The following PTPN12 variants were observed in gnomAD, a reference collection of about 807,000 sequenced individuals.
PTPN12 encodes protein tyrosine phosphatase non-receptor type 12, also known as tyrosine-protein phosphatase non-receptor type 12.
PTPN12 carries 29 observed loss-of-function variants against 97.6 expected under a neutral mutation model. The observed-to-expected ratio is 0.30, with a 90% CI of 0.22 to 0.41. The LOEUF is 0.41. PTPN12 is among the 10% of genes least tolerant of loss of function. The pLI is 1.00. For synonymous variants in PTPN12, 327 were observed against 300.4 expected (o/e 1.09, Z -0.91); for missense variants, 819 against 926.0 (o/e 0.88, Z 1.50).
intron 3 of PTPN12, among the ~76,000 whole-genome samples, chr7:77,582,228 C>A (rs1787545452): frequency 6.6e-6 from 1 of 150,534 alleles, no homozygotes; most frequent in South Asian, 2.1e-4. Context: ...GATCTCCTGA[C>A]CTGTGATCCA....
chr7:77,598,907 G>A (rs894517771), intron 7 of PTPN12, among the ~76,000 whole-genome samples: 3 of 150,798 alleles, frequency 2.0e-5, no homozygotes, highest in African/African-American at 7.3e-5. Flanking sequence ...TAAAGCATGT[G>A]AAGTTAGTTT....
At chr7:77,558,526 CAG>C (rs1243854831) in intron 1 of PTPN12, among the ~76,000 whole-genome samples, 1 of 152,150 alleles carries the variant, frequency 6.6e-6, no homozygotes, top group Non-Finnish European at 1.5e-5. Context: ...TAAAAGGAAA[CAG>C]ATGTGGAGGG....
intron 1 of PTPN12, among the ~76,000 whole-genome samples, chr7:77,558,582 A>G (rs1807837078): frequency 6.6e-6 from 1 of 152,230 alleles, no homozygotes; most frequent in African/African-American, 2.4e-5. Flanking sequence ...TGCAGAAAAG[A>G]GTAACATAGC....
At chr7:77,564,751 T>TTTG (rs1808173082) in intron 1 of PTPN12, among the ~76,000 whole-genome samples, 1 of 76,298 alleles carries the variant, frequency 1.3e-5, no homozygotes, top group African/African-American at 5.9e-5. Context: ...GTCGTGTTTT[T>TTTG]TTTTTTTTTT....
chr7:77,537,509 G>A lies in PTPN12; in HGVS notation c.-38G>A. On this transcript the variant is annotated 5_prime_UTR_variant, in exon 1 of 18. Transcript: ENST00000248594. The stretch of plus-strand genomic sequence containing the variant: ...GCTCTGTGCCGGGCGGGCGGGCGGC[G>A]GGGGGGCCAGCGACCGCAGCCGGGG... The A allele has an allele frequency of 1.3e-6, 2 of 1,546,658 alleles. No individual in the cohort carries two copies. Among genetic ancestry groups the A allele is most frequent in the Non-Finnish European group, 1.7e-6 (2 of 1,147,542 alleles).
At chr7:77,589,733 TC>T (rs1787806020) in intron 5 of PTPN12, among the ~76,000 whole-genome samples, 1 of 152,134 alleles carries the variant, frequency 6.6e-6, no homozygotes, top group African/African-American at 2.4e-5. Flanking sequence ...AATCAAGTTA[TC>T]TATTTAAGGG....
chr7:77,548,486 A>G (rs1004580847), intron 1 of PTPN12, among the ~76,000 whole-genome samples: 8 of 152,238 alleles, frequency 5.3e-5, no homozygotes, highest in African/African-American at 1.9e-4. Flanking sequence ...GTTAGAAGGA[A>G]CATAAAAACT....
chr7:77,622,029 T>A (rs1383561579), intron 12 of PTPN12, among the ~76,000 whole-genome samples: 1 of 152,156 alleles, frequency 6.6e-6, no homozygotes, highest in Non-Finnish European at 1.5e-5. Flanking sequence ...GTGGTGTGAT[T>A]ATGGCTCACT....
At chr7:77,629,943 A>AC (rs1789340107) in intron 13 of PTPN12, among the ~76,000 whole-genome samples, 1 of 151,142 alleles carries the variant, frequency 6.6e-6, no homozygotes, top group Non-Finnish European at 1.5e-5. Flanking sequence ...CTGTCTCAAA[A>AC]AAAAAAAAAA....
intron 5 of PTPN12, among the ~76,000 whole-genome samples, chr7:77,587,715 G>A (rs555386895): frequency 2.0e-5 from 3 of 152,290 alleles, no homozygotes; most frequent in African/African-American, 7.2e-5. Context: ...ATCCTAGATG[G>A]CATCTTCTTC....
At chr7:77,637,945 A>ATTTTTT (rs754842372) in intron 16 of PTPN12, among the ~76,000 whole-genome samples, 24 of 66,806 alleles carry the variant, frequency 3.6e-4, no homozygotes, top group Admixed American at 2.6e-3. Flanking sequence ...ATTTCTTAAA[A>ATTTTTT]TTTTTTTTTT....
chr7:77,606,011 A>G (rs903727089), intron 8 of PTPN12, among the ~76,000 whole-genome samples: 8 of 123,680 alleles, frequency 6.5e-5, no homozygotes, highest in African/African-American at 2.3e-4. Flanking sequence ...CTGGAGTGCA[A>G]TGGCACGATC....
intron 8 of PTPN12, chr7:77,606,911 G>C (rs545315369): frequency 1.6e-5 from 3 of 183,246 alleles, no homozygotes; most frequent in African/African-American, 7.2e-5. Context: ...ACAGTAGTGA[G>C]GTAGTGACTA....
intron 11 of PTPN12, among the ~76,000 whole-genome samples, chr7:77,614,991 A>T (rs1392755060): frequency 6.6e-6 from 1 of 152,222 alleles, no homozygotes; most frequent in Non-Finnish European, 1.5e-5. Context: ...TTATAACTAC[A>T]GTGACTTCCT....
chr7:77,623,012 CAA>C (rs34769333), intron 12 of PTPN12, among the ~76,000 whole-genome samples: 2 of 118,132 alleles, frequency 1.7e-5, no homozygotes, highest in African/African-American at 3.0e-5. Context: ...AAGAAATTAG[CAA>C]AAAAAAAAAA....
intron 1 of PTPN12, among the ~76,000 whole-genome samples, chr7:77,551,452 G>T (rs1807476244): frequency 6.6e-6 from 1 of 152,198 alleles, no homozygotes; most frequent in Non-Finnish European, 1.5e-5. Context: ...TTTTCAGTCA[G>T]AATTGTGTAA....
intron 12 of PTPN12, among the ~76,000 whole-genome samples, chr7:77,626,336 T>A (rs1789179560): frequency 6.6e-6 from 1 of 152,164 alleles, no homozygotes; most frequent in African/African-American, 2.4e-5. Flanking sequence ...GAAGGACACT[T>A]CCACAGTAGG....
At chr7:77,632,479 A>G in intron 14 of PTPN12, 54 bp downstream of exon 14, 2 of 1,321,674 alleles carry the variant, frequency 1.5e-6, no homozygotes, top group Non-Finnish European at 2.2e-6. Flanking sequence ...ATAAACTCCG[A>G]AAAACATACC....
At chr7:77,561,559 G>A (rs1463093190) in intron 1 of PTPN12, among the ~76,000 whole-genome samples, 1 of 152,026 alleles carries the variant, frequency 6.6e-6, no homozygotes, top group African/African-American at 2.4e-5. Context: ...CGGTCAATAA[G>A]TATTGAGGTC....
Sources: gnomAD v4.1 joint callset for allele counts (sites outside exome capture counted in the v4.1 genomes callset) on GRCh38, gnomAD v4.1.1 for gene constraint, MANE v1.5 for transcripts, NCBI Gene and HGNC (gene_info 2026-07-23, HGNC 2026-07-21) for gene names.